The following LHFPL6 variants were observed in gnomAD, a reference collection of about 807,000 sequenced individuals.
The protein encoded by LHFPL6 is LHFPL tetraspan subfamily member 6, also known as LHFPL tetraspan subfamily member 6 protein.
Under a neutral mutation model 20.6 loss-of-function variants are expected in LHFPL6, and 9 were observed. That is an observed-to-expected ratio of 0.44 (90% confidence interval 0.26 to 0.76). The LOEUF is 0.76. Ranked by LOEUF, LHFPL6 falls within the 30% of genes least tolerant of loss-of-function variation. The pLI is 0.20. For missense variants in LHFPL6, 218 were observed against 253.5 expected (o/e 0.86, Z 0.95); for synonymous variants, 105 against 98.7 (o/e 1.06, Z -0.38).
intron 2 of LHFPL6, among the ~76,000 whole-genome samples, chr13:39,560,504 C>CTTTT (rs376446144): frequency 0.016 from 1,833 of 118,158 alleles, 66 homozygotes; most frequent in Non-Finnish European, 0.018. Context: ...TGCAAATTCT[C>CTTTT]TTTTTTTTTT....
chr13:39,511,743 A>G (rs1255295088), intron 2 of LHFPL6, among the ~76,000 whole-genome samples: 1 of 152,230 alleles, frequency 6.6e-6, no homozygotes, highest in East Asian at 1.9e-4. Flanking sequence ...AATTAGCCTG[A>G]AAAGATACCT....
intron 2 of LHFPL6, among the ~76,000 whole-genome samples, chr13:39,490,987 G>C (rs1385135410): frequency 2.0e-5 from 3 of 152,176 alleles, no homozygotes. Flanking sequence ...GGGTCACTCT[G>C]CTATTTAATG....
rs188598416 is a variant in LHFPL6, at chr13:39,478,913, C to A, written c.386-100387G>T. ...TCTCAGCCTCCATAATCACATGAGC[C>A]AACTCCTTATAATGAATCTCTTTAT... On this transcript the variant is annotated intron_variant, in intron 2 of 3. Coordinates refer to ENST00000379589, the MANE Select transcript of LHFPL6 (RefSeq NM_005780.3). Among the ~76,000 whole-genome samples, 6 of 151,940 alleles carry A rather than the reference C, an allele frequency of 3.9e-5. No individual in the cohort carries two copies. The East Asian group carries it at 9.7e-4, about 25-fold the overall frequency.
rs1243483696 is a variant in LHFPL6, at chr13:39,534,242, T to C, written c.385+66590A>G. ...AAAATGGAACTTGATCCTGTTCCAA[T>C]AGCAAACATTTCTTTTTATGTTCTT... On this transcript the variant is annotated intron_variant, in intron 2 of 3. Coordinates refer to ENST00000379589, the MANE Select transcript of LHFPL6 (RefSeq NM_005780.3). Among the ~76,000 whole-genome samples the C allele has an allele frequency of 2.6e-5, 4 of 152,218 alleles. No individual in the cohort carries two copies. The East Asian group carries it at 7.7e-4, about 29-fold the overall frequency.
chr13:39,554,622 C>T (rs1179355040), intron 2 of LHFPL6, among the ~76,000 whole-genome samples: 3 of 152,138 alleles, frequency 2.0e-5, no homozygotes, highest in Non-Finnish European at 4.4e-5. Flanking sequence ...TTCACATCTC[C>T]GTGTTTTCAA....
chr13:39,578,315 G>T (rs1872180482), intron 2 of LHFPL6, among the ~76,000 whole-genome samples: 1 of 152,186 alleles, frequency 6.6e-6, no homozygotes. Flanking sequence ...CTACCTCACA[G>T]TAACATGTTC....
At chr13:39,554,121 A>G (rs1157873175) in intron 2 of LHFPL6, among the ~76,000 whole-genome samples, 1 of 152,180 alleles carries the variant, frequency 6.6e-6, no homozygotes, top group Non-Finnish European at 1.5e-5. Flanking sequence ...GCTACCAATA[A>G]CACCATTACT....
chr13:39,572,705 T>C (rs1253060279), intron 2 of LHFPL6, among the ~76,000 whole-genome samples: 1 of 152,168 alleles, frequency 6.6e-6, no homozygotes, highest in African/African-American at 2.4e-5. Flanking sequence ...CCTTTAATCG[T>C]CACCTTCCAC....
chr13:39,490,394 T>C (rs912043), intron 2 of LHFPL6, among the ~76,000 whole-genome samples: 100,342 of 152,052 alleles, frequency 0.66, 33,318 homozygotes, highest in East Asian at 0.85. Flanking sequence ...TAAGTGGGTG[T>C]ATGGATAAAT....
At chr13:39,580,169 A>T (rs1019361252) in intron 2 of LHFPL6, among the ~76,000 whole-genome samples, 1 of 152,166 alleles carries the variant, frequency 6.6e-6, no homozygotes, top group Non-Finnish European at 1.5e-5. Context: ...CTATAAACAC[A>T]TGAAAGCATA....
rs539715614 is a variant in LHFPL6, at chr13:39,364,675, TA to T, written c.484+13752del. On this transcript the variant is annotated intron_variant, in intron 3 of 3. Transcript: ENST00000379589. ...TCTTTTCTTTTTTTTTAATTAACTG[TA>T]AAAGTTCTGGGATACACGTGCAGAA... is the stretch of plus-strand genomic sequence containing the variant. Among the ~76,000 whole-genome samples, 378 of 152,172 alleles carry T rather than the reference TA, an allele frequency of 2.5e-3. 1 individual carries two copies. The highest frequency in any genetic ancestry group is 7.3e-3 in the Admixed American group (112 of 15,276).
intron 2 of LHFPL6, among the ~76,000 whole-genome samples, chr13:39,446,938 G>T (rs1375176468): frequency 6.6e-6 from 1 of 152,098 alleles, no homozygotes; most frequent in Non-Finnish European, 1.5e-5. Flanking sequence ...AGATAAACTG[G>T]TTCACAGGGA....
At chr13:39,363,405 C>T (rs1019473765) in intron 3 of LHFPL6, among the ~76,000 whole-genome samples, 1 of 152,164 alleles carries the variant, frequency 6.6e-6, no homozygotes, top group Non-Finnish European at 1.5e-5. Context: ...TCATTTAGGT[C>T]ATGGGTTGGC....
At chr13:39,550,863 T>G (rs558373150) in intron 2 of LHFPL6, among the ~76,000 whole-genome samples, 2 of 152,258 alleles carry the variant, frequency 1.3e-5, no homozygotes, top group African/African-American at 4.8e-5. Context: ...GTATGTTAGG[T>G]TTTTCTACTA....
At chr13:39,380,763 G>A (rs1321862043) in intron 2 of LHFPL6, among the ~76,000 whole-genome samples, 1 of 152,068 alleles carries the variant, frequency 6.6e-6, no homozygotes, top group Admixed American at 6.5e-5. Flanking sequence ...AAAGTCCTGG[G>A]ATGACAGGTG....
intron 3 of LHFPL6, among the ~76,000 whole-genome samples, chr13:39,362,586 C>T (rs1223751433): frequency 6.6e-6 from 1 of 152,186 alleles, no homozygotes; most frequent in South Asian, 2.1e-4. Context: ...ATATGATATG[C>T]AAAATGAGAC....
intron 2 of LHFPL6, among the ~76,000 whole-genome samples, chr13:39,406,871 A>T (rs1871124140): frequency 1.3e-5 from 2 of 152,202 alleles, no homozygotes; most frequent in South Asian, 4.1e-4. Context: ...AACCACTGGG[A>T]GTGGTTGAGT....
intron 2 of LHFPL6, among the ~76,000 whole-genome samples, chr13:39,482,678 T>G (rs1015143563): frequency 2.0e-5 from 3 of 152,138 alleles, no homozygotes; most frequent in African/African-American, 7.2e-5. Flanking sequence ...ATAGGTAACT[T>G]CAACAATGGC....
intron 2 of LHFPL6, among the ~76,000 whole-genome samples, chr13:39,554,884 A>G (rs1871256883): frequency 6.6e-6 from 1 of 152,212 alleles, no homozygotes; most frequent in Admixed American, 6.5e-5. Flanking sequence ...TTTTGACAGC[A>G]TGGCATATGA....
Sources: gnomAD v4.1 joint callset for allele counts (sites outside exome capture counted in the v4.1 genomes callset) on GRCh38, gnomAD v4.1.1 for gene constraint, MANE v1.5 for transcripts, NCBI Gene and HGNC (gene_info 2026-07-23, HGNC 2026-07-21) for gene names.